MDGA2: variants seen among roughly 807,000 people sequenced by gnomAD.
MDGA2 encodes MAM domain-containing glycosylphosphatidylinositol anchor protein 2.
A neutral mutation model predicts 117.8 loss-of-function variants in MDGA2; 40 were observed. The ratio of observed to expected loss-of-function variants is 0.34; its 90% confidence interval spans 0.26 to 0.44. The LOEUF is 0.44. Ranked by LOEUF, MDGA2 falls within the 20% of genes least tolerant of loss-of-function variation. The pLI, the probability that MDGA2 is intolerant of heterozygous loss-of-function variation, is 1.00. For missense variants in MDGA2, 1,123 were observed against 1,250.6 expected, an observed-to-expected ratio of 0.90 and a Z score of 1.54; for synonymous variants, 452 against 439.0, an observed-to-expected ratio of 1.03 and a Z score of -0.37.
chr14:47,140,760 A>G (rs61995366), intron 4 of MDGA2, among the ~76,000 whole-genome samples: 16,277 of 152,192 alleles, frequency 0.11, 973 homozygotes, highest in Middle Eastern at 0.19. Flanking sequence ...ATGCTTCATG[A>G]CATTGGTCTG....
rs552591126 is a variant in MDGA2 at position 47,150,026 on chromosome 14, T to C, written c.596-5752A>G. ...GTCATCTATTGACCCTATATGGATC[T>C]GGTGGCCAGAATGGAAGTGGGGTTC... On this transcript the variant is annotated intron_variant, in intron 3 of 16. Coordinates refer to ENST00000399232, the MANE Select transcript of MDGA2 (RefSeq NM_001113498.3). 1.1e-3 allele frequency among the ~76,000 whole-genome samples: 168 copies of C among 152,288 alleles called. 1 individual carries two copies. Among genetic ancestry groups the C allele is most frequent in the Non-Finnish European group, 9.9e-4 (67 of 68,018 alleles).
rs75847479 is a variant in MDGA2, at chr14:47,599,142, C to A, written c.280+75375G>T. 0.01 allele frequency among the ~76,000 whole-genome samples: 1,555 copies of A among 151,840 alleles called. 43 individuals carry two copies. In the East Asian group the frequency reaches 0.12, roughly 11 times the overall value. Reference sequence around the variant, plus strand: ...CCATTTGGGAAGACATTATGCCTGTCCTCTTCTAGTATGCCTCAAAATATC... The same window carrying A: ...CCATTTGGGAAGACATTATGCCTGTACTCTTCTAGTATGCCTCAAAATATC... On this transcript the variant is annotated intron_variant, in intron 1 of 16. Transcript: ENST00000399232.
chr14:47,242,793 G>A (rs570329862), intron 2 of MDGA2, among the ~76,000 whole-genome samples: 16 of 151,930 alleles, frequency 1.1e-4, no homozygotes, highest in African/African-American at 3.6e-4. Context: ...CCAGGGCACC[G>A]AGTCCCATCG....
At chr14:47,585,481 A>G (rs2138848292) in intron 1 of MDGA2, among the ~76,000 whole-genome samples, 1 of 152,056 alleles carries the variant, frequency 6.6e-6, no homozygotes, top group Admixed American at 6.6e-5. Context: ...GGAAAGTGCT[A>G]TAAGGATTAA....
At chr14:47,462,138 G>A (rs1438884885) in intron 1 of MDGA2, among the ~76,000 whole-genome samples, 1 of 152,132 alleles carries the variant, frequency 6.6e-6, no homozygotes, top group Non-Finnish European at 1.5e-5. Context: ...AGCACTTTGG[G>A]AGGCCGAGGC....
chr14:47,352,336 C>A (rs950244682), intron 1 of MDGA2, among the ~76,000 whole-genome samples: 3 of 152,174 alleles, frequency 2.0e-5, no homozygotes, highest in Non-Finnish European at 2.9e-5. Context: ...CAAACTCCAA[C>A]CCCTTCCACA....
intron 1 of MDGA2, among the ~76,000 whole-genome samples, chr14:47,635,944 G>C (rs1380540175): frequency 6.6e-6 from 1 of 152,142 alleles, no homozygotes. Context: ...AGAGAACGAT[G>C]GTGAGACAAT....
chr14:47,151,500 A>C (rs888157162), intron 3 of MDGA2, among the ~76,000 whole-genome samples: 1 of 152,188 alleles, frequency 6.6e-6, no homozygotes, highest in African/African-American at 2.4e-5. Flanking sequence ...ATATGTCTCT[A>C]TGTTTATTCA....
At chr14:46,990,899 C>CACACAT (rs147192624) in intron 8 of MDGA2, among the ~76,000 whole-genome samples, 1,815 of 146,774 alleles carry the variant, frequency 0.012, 52 homozygotes, top group African/African-American at 0.018. Flanking sequence ...CACACACACA[C>CACACAT]ACCCCGCGTA....
At chr14:47,031,819 G>A (rs1476189111) in intron 8 of MDGA2, among the ~76,000 whole-genome samples, 1 of 152,138 alleles carries the variant, frequency 6.6e-6, no homozygotes, top group Admixed American at 6.5e-5. Context: ...TCTTGCCCCT[G>A]CTCTGGCCAT....
chr14:46,951,604 C>G (rs1885372025), intron 9 of MDGA2, among the ~76,000 whole-genome samples: 1 of 151,926 alleles, frequency 6.6e-6, no homozygotes, highest in South Asian at 2.1e-4. Context: ...CAGGCATATT[C>G]TAGGGTCTCA....
At position 47,497,453 on chromosome 14, in the gene MDGA2, T is replaced by G. The variant is rs58552691; in HGVS notation, c.280+177064A>C. Among the ~76,000 whole-genome samples the G allele has an allele frequency of 0.024, 3,630 of 152,150 alleles. 569 individuals are homozygous for G. The East Asian group carries it at 0.44, about 19-fold the overall frequency. On this transcript the variant is annotated intron_variant, in intron 1 of 16. Coordinates refer to ENST00000399232, the MANE Select transcript of MDGA2 (RefSeq NM_001113498.3). Reference sequence around the variant, plus strand: ...TCTATTTTTTAGTAGAGAAGGGGTCTCACCATGTTGGCCAGGCTGGTCTCG... The same window carrying G: ...TCTATTTTTTAGTAGAGAAGGGGTCGCACCATGTTGGCCAGGCTGGTCTCG...
At chr14:47,414,615 C>T (rs1345905010) in intron 1 of MDGA2, among the ~76,000 whole-genome samples, 1 of 152,086 alleles carries the variant, frequency 6.6e-6, no homozygotes, top group Non-Finnish European at 1.5e-5. Context: ...GTTTCCAGAG[C>T]TCTACAAAAA....
At chr14:47,374,353 C>T (rs1039847611) in intron 1 of MDGA2, among the ~76,000 whole-genome samples, 16 of 151,980 alleles carry the variant, frequency 1.1e-4, no homozygotes, top group Non-Finnish European at 2.1e-4. Flanking sequence ...AAATTTTGGC[C>T]ATTCAGATCT....
chr14:47,096,919 T>TAAGTACCAGCATCAA lies in MDGA2; in HGVS notation c.1129_1130insTTGATGCTGGTACTT (p.Thr376_Tyr377insPheAspAlaGlyThr). On this transcript the variant is annotated inframe_insertion, in exon 6 of 17. Coordinates refer to ENST00000399232, the MANE Select transcript of MDGA2 (RefSeq NM_001113498.3). ...CACATTATTATTGGCAATGCAGCTGTAAGTACCAGCATCATCTGAGGTGAT... is the reference window on the plus strand; with the variant it reads ...CACATTATTATTGGCAATGCAGCTGTAAGTACCAGCATCAAAAGTACCAGCATCATCTGAGGTGAT... 1 of 1,613,330 alleles carries TAAGTACCAGCATCAA rather than the reference T, an allele frequency of 6.2e-7. No homozygotes were observed. The highest frequency in any genetic ancestry group is 8.5e-7 in the Non-Finnish European group (1 of 1,179,462).
rs763193786 is a variant in MDGA2, at chr14:46,858,788, T to A, written c.2753-3634A>T. Among the ~76,000 whole-genome samples, 155 of 152,308 alleles carry A rather than the reference T, an allele frequency of 1.0e-3. 2 individuals carry two copies. The Middle Eastern group carries it at 0.01, about 10-fold the overall frequency. On this transcript the variant is annotated intron_variant, in intron 14 of 16. Transcript: ENST00000399232. The stretch of plus-strand genomic sequence containing the variant: ...CAAAGTCTAACTTTCTTAAGTTTGG[T>A]TTCTACGAACTGATGTTAACTTTTT...
Position 47,380,193 on chromosome 14 carries a change from C to T in MDGA2, c.281-78643G>A, listed in dbSNP as rs118119070. Among the ~76,000 whole-genome samples, 1,054 of 152,190 alleles carry T rather than the reference C, an allele frequency of 6.9e-3. 8 individuals carry two copies. Among genetic ancestry groups the T allele is most frequent in the Non-Finnish European group, 0.012 (786 of 68,014 alleles). ...CCAATGAGAACAAAGACACAACATA[C>T]GAGAACCTCTCGGACACATTTAAAG... is the stretch of plus-strand genomic sequence containing the variant. On this transcript the variant is annotated intron_variant, in intron 1 of 16. Transcript: ENST00000399232.
At chr14:47,263,605 C>T (rs1887871156) in intron 2 of MDGA2, among the ~76,000 whole-genome samples, 1 of 152,020 alleles carries the variant, frequency 6.6e-6, no homozygotes, top group Admixed American at 6.6e-5. Context: ...ATGCAAAGAG[C>T]TAGAAAGTTC....
At chr14:47,127,463 A>G (rs1238715533) in intron 5 of MDGA2, among the ~76,000 whole-genome samples, 1 of 152,128 alleles carries the variant, frequency 6.6e-6, no homozygotes, top group Non-Finnish European at 1.5e-5. Flanking sequence ...AGATGGAAAA[A>G]TTTCTGAAGT....
Sources: allele counts gnomAD v4.1 joint callset (sites outside exome capture counted in the v4.1 genomes callset), GRCh38; gene constraint gnomAD v4.1.1; transcripts MANE v1.5; gene names NCBI Gene and HGNC (gene_info 2026-07-23, HGNC 2026-07-21).